Variants in C10orf67 observed in about 807,000 individuals in gnomAD.
C10orf67 encodes chromosome 10 open reading frame 67.
Under a neutral mutation model 35.6 loss-of-function variants are expected in C10orf67, and 60 were observed. The ratio of observed to expected loss-of-function variants is 1.68; its 90% CI spans 1.37 to 2.09. The LOEUF is 2.09. C10orf67 is among the 30% of genes most tolerant of loss of function. C10orf67 has a pLI of 0.00. For missense variants in C10orf67, 474 were observed against 330.2 expected (o/e 1.44, Z -3.38); for synonymous variants, 167 against 115.8 (o/e 1.44, Z -2.84).
At chr10:23,245,456 A>G (rs1221006504) in intron 12 of C10orf67, among the ~76,000 whole-genome samples, 2 of 152,232 alleles carry the variant, frequency 1.3e-5, no homozygotes, top group Non-Finnish European at 2.9e-5. Flanking sequence ...TGCAAACCAT[A>G]CATCTTATCT....
At chr10:23,218,351 T>C (rs1841487438) in intron 15 of C10orf67, among the ~76,000 whole-genome samples, 1 of 149,368 alleles carries the variant, frequency 6.7e-6, no homozygotes, top group Admixed American at 6.8e-5. Context: ...CTTCCCCATG[T>C]TGCTCAGGTG....
chr10:23,290,099 C>T, intron 6 of C10orf67, 141 bp from the exon 7 acceptor site: 2 of 583,472 alleles, frequency 3.4e-6, no homozygotes, highest in Non-Finnish European at 6.1e-6. Flanking sequence ...ACCTTCACAA[C>T]TGCCCTTGAC....
chr10:23,252,692 A>G (rs548498556), intron 10 of C10orf67, among the ~76,000 whole-genome samples: 15 of 152,214 alleles, frequency 9.9e-5, no homozygotes, highest in Non-Finnish European at 1.6e-4. Context: ...CTAAGAACAA[A>G]CAATAAGAAT....
At chr10:23,278,852 G>C (rs1055869015) in intron 8 of C10orf67, among the ~76,000 whole-genome samples, 2 of 152,208 alleles carry the variant, frequency 1.3e-5, no homozygotes, top group African/African-American at 4.8e-5. Context: ...AGGTAGGGTA[G>C]ATGGCTGCAA....
intron 12 of C10orf67, among the ~76,000 whole-genome samples, chr10:23,241,458 T>A (rs112945613): frequency 1.2e-3 from 190 of 152,314 alleles, no homozygotes; most frequent in African/African-American, 4.4e-3. Flanking sequence ...AAATGCATTT[T>A]GCATGCAGGA....
Position 23,223,669 on chromosome 10 carries a change from A to G in C10orf67, c.1510-11T>C, listed in dbSNP as rs1362757706. On this transcript the variant is annotated splice_polypyrimidine_tract_variant and intron_variant, in intron 14 of 15. Transcript: ENST00000636213. ...ATGCTTACCGTCTATCTGTAAGTGAACCAAAACTTTTCATTACTTAAGTTG... is the reference window on the plus strand; with the variant it reads ...ATGCTTACCGTCTATCTGTAAGTGAGCCAAAACTTTTCATTACTTAAGTTG... 4.2e-6 allele frequency: 3 copies of G among 717,308 alleles called. No homozygotes were observed. Among genetic ancestry groups the G allele is most frequent in the Non-Finnish European group, 7.8e-6 (3 of 384,990 alleles). The allele number at this position is 717,308 out of a possible 1,614,324, so 44.4% of individuals were successfully genotyped here. A position where few individuals can be genotyped will look rare whatever the true frequency, so the allele number is the denominator to read the frequency against.
intron 15 of C10orf67, among the ~76,000 whole-genome samples, 188 bp downstream of exon 15, chr10:23,223,410 T>C (rs1044648429): frequency 3.9e-5 from 6 of 152,226 alleles, no homozygotes; most frequent in African/African-American, 1.4e-4. Context: ...CAGTGATCAG[T>C]AGTCAGAAGT....
chr10:23,220,244 C>T (rs566072465), intron 15 of C10orf67, among the ~76,000 whole-genome samples: 12 of 151,998 alleles, frequency 7.9e-5, no homozygotes, highest in South Asian at 6.2e-4. Context: ...ATTGCTTTCA[C>T]GGGGAGATTA....
In C10orf67 at chr10:23,337,209, C is replaced by T. The variant is rs1350926423; in HGVS notation, c.207-4027G>A. Among the ~76,000 whole-genome samples the T allele has an allele frequency of 3.3e-5, 5 of 152,332 alleles. No homozygotes were observed. The East Asian group carries it at 9.6e-4, about 29-fold the overall frequency. On this transcript the variant is annotated intron_variant, in intron 1 of 15. Coordinates refer to ENST00000636213, the MANE Select transcript of C10orf67 (RefSeq NM_001371909.1). ...ATAGAAAAAAAGCAGAGAATTACCA[C>T]ATGGCAGTCATCATAAAAGTGACAT...
chr10:23,309,821 A>T (rs1045238767), intron 4 of C10orf67, among the ~76,000 whole-genome samples: 7 of 152,304 alleles, frequency 4.6e-5, no homozygotes, highest in Non-Finnish European at 8.8e-5. Context: ...AGAACAAAAA[A>T]GTTTTACTTT....
intron 2 of C10orf67, among the ~76,000 whole-genome samples, chr10:23,322,928 A>G (rs1431996504): frequency 6.6e-6 from 1 of 152,142 alleles, no homozygotes; most frequent in East Asian, 1.9e-4. Context: ...ATTCCAATTC[A>G]TTCTCTGGTT....
At chr10:23,293,898 T>C (rs1368733518) in intron 5 of C10orf67, among the ~76,000 whole-genome samples, 1 of 152,164 alleles carries the variant, frequency 6.6e-6, no homozygotes, top group Non-Finnish European at 1.5e-5. Context: ...GGGAACTGAT[T>C]AGAAATGCAG....
At position 23,303,415 on chromosome 10, in the gene C10orf67, C is replaced by A. The variant is rs182377931; in HGVS notation, c.591G>T (p.Ala197=). 1.6e-6 allele frequency: 1 copy of A among 615,732 alleles called. No individual in the cohort carries two copies. The highest frequency in any genetic ancestry group is 3.0e-5 in the East Asian group (1 of 33,328). 38.1% of individuals were successfully genotyped at this position (615,732 alleles called of 1,614,324 possible). Residue 197 remains alanine (A), a synonymous_variant, in exon 5 of 16, where the codon GCG becomes GCT. Coordinates refer to ENST00000636213, the MANE Select transcript of C10orf67 (RefSeq NM_001371909.1). ...ACAAAATATTTGTTTTGACAGTACT[C>A]GCATCTTGCAAAGAAACATTCTCTT... is the stretch of plus-strand genomic sequence containing the variant. ...VEEENVSLQD[A]STVKTNILLR...
At chr10:23,318,682 A>C (rs563871180) in intron 4 of C10orf67, 9 of 527,812 alleles carry the variant, frequency 1.7e-5, no homozygotes, top group African/African-American at 1.5e-4. Flanking sequence ...AGTCACAGAG[A>C]TCGTTAGCAG....
rs1588724145 is a variant in C10orf67 at position 23,344,685 on chromosome 10, G to T, written c.90C>A (p.Thr30=). Residue 30 remains threonine (T), a synonymous_variant, in exon 1 of 16, where the codon ACC becomes ACA. Transcript: ENST00000636213. ...VHCFSSSLRG[T]FGTRWEAMKA... is the part of the protein sequence containing the mutation. ...TCATGGCCTCCCAGCGTGTGCCAAA[G>T]GTCCCCCTCAAGGAGGAGGAAAAGC... 6.3e-7 allele frequency: 1 copy of T among 1,578,042 alleles called. No individual in the cohort carries two copies.
intron 12 of C10orf67, among the ~76,000 whole-genome samples, chr10:23,246,601 T>A (rs1240719365): frequency 6.6e-6 from 1 of 152,154 alleles, no homozygotes; most frequent in Non-Finnish European, 1.5e-5. Context: ...TGCATAATGA[T>A]GTTTGGTCAA....
chr10:23,334,560 ATTT>A (rs1845602551), intron 1 of C10orf67, among the ~76,000 whole-genome samples: 1 of 152,216 alleles, frequency 6.6e-6, no homozygotes, highest in African/African-American at 2.4e-5. Flanking sequence ...CAAACCTCAG[ATTT>A]GTCCCCCACA....
intron 10 of C10orf67, among the ~76,000 whole-genome samples, chr10:23,252,059 G>C (rs955506781): frequency 2.6e-5 from 4 of 152,010 alleles, no homozygotes; most frequent in African/African-American, 7.2e-5. Flanking sequence ...TTATAGTGTT[G>C]CTTCCATTAT....
At chr10:23,233,376 A>T (rs775157015) in intron 13 of C10orf67, among the ~76,000 whole-genome samples, 1 of 152,220 alleles carries the variant, frequency 6.6e-6, no homozygotes, top group Non-Finnish European at 1.5e-5. Flanking sequence ...GGCCTTAGTC[A>T]GGTCAAGACA....
Sources: allele counts gnomAD v4.1 joint callset (sites outside exome capture counted in the v4.1 genomes callset), GRCh38; gene constraint gnomAD v4.1.1; transcripts MANE v1.5; gene names NCBI Gene and HGNC (gene_info 2026-07-23, HGNC 2026-07-21).